The following PRIMPOL variants were observed in gnomAD, a reference collection of about 807,000 sequenced individuals.
The protein encoded by PRIMPOL is DNA-directed primase/polymerase protein.
Under a neutral mutation model 63.6 loss-of-function variants are expected in PRIMPOL, and 54 were observed. The ratio of observed to expected loss-of-function variants is 0.85; its 90% CI spans 0.68 to 1.07. The LOEUF (loss-of-function observed/expected upper bound fraction) is 1.07. Ranked by LOEUF, PRIMPOL falls within the 50% of genes least tolerant of loss-of-function variation. The probability of loss-of-function intolerance (pLI) is 0.00; values close to 1 mark genes in which losing one functional copy is unlikely to be tolerated. For missense variants in PRIMPOL, 610 were observed against 648.3 expected (o/e 0.94, Z 0.64); for synonymous variants, 197 against 220.2 (o/e 0.89, Z 0.93).
intron 9 of PRIMPOL, 69 bp downstream of exon 9, chr4:184,682,405 GT>G: frequency 1.2e-6 from 1 of 845,688 alleles, no homozygotes. Context: ...CTGGAGTGCA[GT>G]GGTGCGATCT....
At chr4:184,675,470 A>G (rs924722853) in intron 7 of PRIMPOL, among the ~76,000 whole-genome samples, 4 of 152,164 alleles carry the variant, frequency 2.6e-5, no homozygotes, top group South Asian at 2.1e-4. Flanking sequence ...ATTTTAGGCT[A>G]TACGGTTCAT....
At chr4:184,686,688 C>T (rs945547811) in intron 11 of PRIMPOL, among the ~76,000 whole-genome samples, 2 of 152,082 alleles carry the variant, frequency 1.3e-5, no homozygotes, top group Admixed American at 6.6e-5. Context: ...AAGCAACTCC[C>T]GTATCCTCAA....
intron 2 of PRIMPOL, among the ~76,000 whole-genome samples, chr4:184,656,675 G>A (rs1454275246): frequency 6.6e-6 from 1 of 151,904 alleles, no homozygotes; most frequent in Admixed American, 6.5e-5. Flanking sequence ...GGGTGGACAA[G>A]GTCATAGCAC....
Position 184,686,787 on chromosome 4 carries a change from C to G in PRIMPOL, c.1295+1103C>G, listed in dbSNP as rs143689773. 2.4e-3 allele frequency among the ~76,000 whole-genome samples: 368 copies of G among 152,056 alleles called. 1 individual carries two copies. The highest frequency in any genetic ancestry group is 8.4e-3 in the African/African-American group (347 of 41,458). On this transcript the variant is annotated intron_variant, in intron 11 of 13. Coordinates refer to ENST00000314970, the MANE Select transcript of PRIMPOL (RefSeq NM_152683.4). Reference sequence around the variant, plus strand: ...ACACATTGGGTAGCATGGTTCAGTGCCATACTTGATATACTTAGATTAATT... The same window carrying G: ...ACACATTGGGTAGCATGGTTCAGTGGCATACTTGATATACTTAGATTAATT...
At chr4:184,694,259 G>A (rs903354500) in intron 13 of PRIMPOL, 18 of 1,170,116 alleles carry the variant, frequency 1.5e-5, no homozygotes, top group African/African-American at 1.1e-4. Flanking sequence ...CTCTTCCGTC[G>A]GGGAGTATTG....
chr4:184,694,866 T>C lies in PRIMPOL; in HGVS notation c.*87T>C, dbSNP rs1396847277. The C allele has an allele frequency of 2.6e-6, 3 of 1,162,806 alleles. No individual in the cohort carries two copies. Among genetic ancestry groups the C allele is most frequent in the Admixed American group, 4.8e-5 (2 of 41,254 alleles). 72.0% of individuals were successfully genotyped at this position (1,162,806 alleles called of 1,614,324 possible). On this transcript the variant is annotated 3_prime_UTR_variant, in exon 14 of 14. Coordinates refer to ENST00000314970, the MANE Select transcript of PRIMPOL (RefSeq NM_152683.4). Reference sequence around the variant, plus strand: ...ATAAATATATCATTCAACCTGTTTATATAAACTAAGTTTTATTACTTTGCT... The same window carrying C: ...ATAAATATATCATTCAACCTGTTTACATAAACTAAGTTTTATTACTTTGCT...
Position 184,694,576 on chromosome 4 carries a change from A to T in PRIMPOL, c.1480A>T (p.Asn494Tyr). 1 of 1,614,148 alleles carries T rather than the reference A, an allele frequency of 6.2e-7. No individual in the cohort carries two copies. Among genetic ancestry groups the T allele is most frequent in the East Asian group, 2.2e-5 (1 of 44,886 alleles). The change falls in exon 14 of 14, where the codon AAT becomes TAT. Residue 494 changes from asparagine to tyrosine, a missense_variant. By Grantham distance (143) the Asn-to-Tyr change is moderately radical (BLOSUM62 -2). This residue lies in a region of PRIMPOL where 444 missense variants were observed against 456.4 expected (regional missense o/e 0.97). Transcript: ENST00000314970. ...TGAAACTAGGAGCAATGAAACCCAG[A>T]ATCCTCATAAACCATCACCTAGCAG... ...ADETRSNETQ[N>Y]PHKPSPSRLS...
At chr4:184,681,180 G>A (rs917085283) in intron 8 of PRIMPOL, among the ~76,000 whole-genome samples, 12 of 152,254 alleles carry the variant, frequency 7.9e-5, no homozygotes, top group African/African-American at 2.9e-4. Flanking sequence ...TTATGGTTAT[G>A]AATGTACCTT....
chr4:184,681,261 T>C (rs1473745129), intron 8 of PRIMPOL, among the ~76,000 whole-genome samples: 1 of 152,180 alleles, frequency 6.6e-6, no homozygotes, highest in African/African-American at 2.4e-5. Flanking sequence ...TTTCTTCCTA[T>C]AAGTCACACC....
intron 11 of PRIMPOL, among the ~76,000 whole-genome samples, chr4:184,687,180 C>T (rs532898387): frequency 3.9e-5 from 6 of 152,212 alleles, no homozygotes; most frequent in Admixed American, 3.3e-4. Flanking sequence ...AAGTGATTCT[C>T]CTGCCTTAGC....
chr4:184,674,716 C>A (rs1219598632), intron 7 of PRIMPOL, among the ~76,000 whole-genome samples: 2 of 152,106 alleles, frequency 1.3e-5, no homozygotes, highest in African/African-American at 4.8e-5. Context: ...TGGATTCTTA[C>A]AGTGAAGTAA....
In PRIMPOL at chr4:184,672,120, A is replaced by C. The variant is rs1172154481; in HGVS notation, c.557-53A>C. On this transcript the variant is annotated intron_variant, in intron 6 of 13. Coordinates refer to ENST00000314970, the MANE Select transcript of PRIMPOL (RefSeq NM_152683.4). ...TATGTGGATTCCTGGCTAGACCTTA[A>C]GATGCGGTGTGTGGAGAAGATCCAG... 4 of 1,447,726 alleles carry C rather than the reference A, an allele frequency of 2.8e-6. No homozygotes were observed. The South Asian group carries it at 5.2e-5, about 19-fold the overall frequency. 89.7% of individuals were successfully genotyped at this position (1,447,726 alleles called of 1,614,324 possible).
chr4:184,691,587 T>C lies in PRIMPOL; in HGVS notation c.1378+6T>C. ...AGAAAACTTCAAATCTGACTGTAAGTTACTAATTTTTACATTTACCACAAA... is the reference window on the plus strand; with the variant it reads ...AGAAAACTTCAAATCTGACTGTAAGCTACTAATTTTTACATTTACCACAAA... On this transcript the variant is annotated splice_donor_region_variant and intron_variant, in intron 12 of 13. Transcript: ENST00000314970. 2 of 1,601,442 alleles carry C rather than the reference T, an allele frequency of 1.2e-6. No homozygotes were observed. The highest frequency in any genetic ancestry group is 1.7e-6 in the Non-Finnish European group (2 of 1,169,500).
At chr4:184,669,147 C>A (rs545499618) in intron 6 of PRIMPOL, among the ~76,000 whole-genome samples, 1 of 152,252 alleles carries the variant, frequency 6.6e-6, no homozygotes, top group East Asian at 1.9e-4. Context: ...ACAACAAAGG[C>A]TTTTTAAGCA....
intron 4 of PRIMPOL, among the ~76,000 whole-genome samples, 200 bp from the exon 5 acceptor site, chr4:184,661,574 C>G (rs1244059237): frequency 3.9e-5 from 6 of 151,994 alleles, no homozygotes; most frequent in Non-Finnish European, 7.4e-5. Context: ...GGCGTGGTGG[C>G]GTGTGCCTGT....
At chr4:184,678,615 C>CCT (rs1321389958) in intron 8 of PRIMPOL, among the ~76,000 whole-genome samples, 1 of 150,770 alleles carries the variant, frequency 6.6e-6, no homozygotes. Flanking sequence ...GCAAGCTCTG[C>CCT]CTCCCGGGTT....
chr4:184,691,263 T>C, intron 11 of PRIMPOL: 1 of 444,968 alleles, frequency 2.2e-6, no homozygotes, highest in East Asian at 3.6e-5. Context: ...AGGTTGAGAA[T>C]TGTTACATCT....
Position 184,694,895 on chromosome 4 carries a change from CA to C in PRIMPOL, c.*118del. ...AACTAAGTTTTATTACTTTGCTTTC[CA>C]ATTTTTGTTTTTTACTTCTGTAAAC... On this transcript the variant is annotated 3_prime_UTR_variant, in exon 14 of 14. Transcript: ENST00000314970. 1.0e-6 allele frequency: 1 copy of C among 956,806 alleles called. No homozygotes were observed. Among genetic ancestry groups the C allele is most frequent in the Non-Finnish European group, 1.5e-6 (1 of 665,314 alleles). The allele number at this position is 956,806 out of a possible 1,614,324, so 59.3% of individuals were successfully genotyped here. A position where few individuals can be genotyped will look rare whatever the true frequency, so the allele number is the denominator to read the frequency against.
intron 13 of PRIMPOL, among the ~76,000 whole-genome samples, chr4:184,692,491 A>T (rs988681648): frequency 2.5e-3 from 365 of 148,124 alleles, no homozygotes; most frequent in Non-Finnish European, 4.4e-3. Context: ...AAAAAAAAAA[A>T]AAGAAAGAAA....
Sources: gnomAD v4.1 joint callset for allele counts (sites outside exome capture counted in the v4.1 genomes callset) on GRCh38, gnomAD v4.1.1 for gene constraint, gnomAD v4.1.1 regional missense constraint, MANE v1.5 for transcripts, NCBI Gene and HGNC (gene_info 2026-07-23, HGNC 2026-07-21) for gene names.